TFB1M: variants seen among roughly 807,000 people sequenced by gnomAD.
TFB1M encodes transcription factor B1, mitochondrial, also known as dimethyladenosine transferase 1, mitochondrial.
Under a neutral mutation model 31.1 loss-of-function variants are expected in TFB1M, and 27 were observed. That is an observed-to-expected ratio of 0.87 (90% CI 0.64 to 1.20). TFB1M has a LOEUF of 1.20. Among genes scored for constraint, TFB1M ranks in the 50% most tolerant of loss-of-function variants. The pLI, the probability that TFB1M is intolerant of heterozygous loss-of-function variation, is 0.00. For synonymous variants in TFB1M, 166 were observed against 151.8 expected, an observed-to-expected ratio of 1.09 and a Z score of -0.69; for missense variants, 394 against 418.7, an observed-to-expected ratio of 0.94 and a Z score of 0.51.
chr6:155,310,911 A>G (rs1582889130), intron 2 of TFB1M: 2 of 412,212 alleles, frequency 4.9e-6, no homozygotes. Context: ...AGACTTAAAA[A>G]AAAAAATCAC....
chr6:155,260,196 A>G, intron 6 of TFB1M, 77 bp downstream of exon 6: 1 of 1,498,794 alleles, frequency 6.7e-7, no homozygotes, highest in Non-Finnish European at 9.3e-7. Context: ...GAATAGAGCA[A>G]ACAAGGTTCT....
intron 4 of TFB1M, among the ~76,000 whole-genome samples, chr6:155,296,362 C>T (rs1317162393): frequency 6.6e-6 from 1 of 151,550 alleles, no homozygotes; most frequent in Non-Finnish European, 1.5e-5. Flanking sequence ...CAGGTTCAAG[C>T]AATTCTCCTG....
At chr6:155,313,665 A>T (rs912274846) in intron 1 of TFB1M, among the ~76,000 whole-genome samples, 1 of 152,226 alleles carries the variant, frequency 6.6e-6, no homozygotes, top group East Asian at 1.9e-4. Flanking sequence ...AAGTAACTTT[A>T]AACAATTAGG....
At chr6:155,272,821 G>C (rs1784996123) in intron 5 of TFB1M, among the ~76,000 whole-genome samples, 1 of 152,094 alleles carries the variant, frequency 6.6e-6, no homozygotes, top group Non-Finnish European at 1.5e-5. Flanking sequence ...GTCTGTAATT[G>C]ATCACTGCCA....
At chr6:155,311,854 A>C (rs566623361) in intron 1 of TFB1M, among the ~76,000 whole-genome samples, 1 of 152,360 alleles carries the variant, frequency 6.6e-6, no homozygotes, top group Admixed American at 6.5e-5. Context: ...AATGGCAATA[A>C]GTTCTTAGAT....
At chr6:155,234,901 G>T in the TFB1M span, among the ~76,000 whole-genome samples, 5 of 152,194 alleles carry the variant, frequency 3.3e-5, no homozygotes, top group African/African-American at 9.7e-5. Flanking sequence ...GAGGCGTGAG[G>T]AACTAGATTG....
intron 2 of TFB1M, among the ~76,000 whole-genome samples, chr6:155,303,796 C>T (rs950824707): frequency 1.2e-4 from 18 of 152,176 alleles, no homozygotes; most frequent in African/African-American, 4.3e-4. Context: ...TTATGCCAGG[C>T]TCTTTACATC....
At chr6:155,295,351 G>T (rs1777119784) in intron 4 of TFB1M, among the ~76,000 whole-genome samples, 1 of 151,384 alleles carries the variant, frequency 6.6e-6, no homozygotes, top group South Asian at 2.1e-4. Flanking sequence ...GGGTGACAGA[G>T]TGAGACTCTG....
intron 5 of TFB1M, chr6:155,275,981 T>C: frequency 6.2e-7 from 1 of 1,614,174 alleles, no homozygotes; most frequent in South Asian, 1.1e-5. Flanking sequence ...GGTCCTGGCG[T>C]GTGTTCTGTC....
intron 6 of TFB1M, among the ~76,000 whole-genome samples, chr6:155,259,667 A>C (rs1211250665): frequency 6.6e-6 from 1 of 152,216 alleles, no homozygotes; most frequent in East Asian, 1.9e-4. Flanking sequence ...CTGCCTTCTT[A>C]AGCAGACTAT....
At chr6:155,250,496 C>G in the TFB1M span, 5 of 1,499,596 alleles carry the variant, frequency 3.3e-6, no homozygotes, top group Non-Finnish European at 9.0e-7. Flanking sequence ...GGAGATCAGT[C>G]CTTCACTCTG....
intron 5 of TFB1M, among the ~76,000 whole-genome samples, chr6:155,279,479 C>T (rs996778776): frequency 2.0e-5 from 3 of 152,170 alleles, no homozygotes; most frequent in Non-Finnish European, 1.5e-5. Flanking sequence ...GTGGATGATG[C>T]CATTAGTCAG....
At chr6:155,241,546 A>C in the TFB1M span, among the ~76,000 whole-genome samples, 2 of 152,186 alleles carry the variant, frequency 1.3e-5, no homozygotes, top group Non-Finnish European at 2.9e-5. Context: ...TGGGTCCATG[A>C]ATTAAGGCTT....
the TFB1M span, chr6:155,244,574 G>T: frequency 6.8e-7 from 1 of 1,478,570 alleles, no homozygotes; most frequent in South Asian, 1.3e-5. Context: ...ATTTCCTTGT[G>T]ATTTATTTGT....
chr6:155,250,966 GA>G, the TFB1M span: 1 of 1,614,172 alleles, frequency 6.2e-7, no homozygotes, highest in Non-Finnish European at 8.5e-7. Flanking sequence ...TTTCCTGGTT[GA>G]ATCCATTTCT....
At chr6:155,287,116 TA>T (rs574862535) in intron 4 of TFB1M, among the ~76,000 whole-genome samples, 21 of 148,442 alleles carry the variant, frequency 1.4e-4, no homozygotes, top group East Asian at 7.9e-4. Flanking sequence ...AATGAACAAT[TA>T]AAAAAAAAAC....
At chr6:155,296,019 T>G (rs1157124921) in intron 4 of TFB1M, among the ~76,000 whole-genome samples, 2 of 152,068 alleles carry the variant, frequency 1.3e-5, no homozygotes, top group Admixed American at 6.6e-5. Flanking sequence ...TATGTCATAA[T>G]AAAATTTTTT....
intron 5 of TFB1M, chr6:155,276,426 G>A (rs1397611754): frequency 4.0e-6 from 6 of 1,510,094 alleles, no homozygotes; most frequent in Admixed American, 2.0e-5. Flanking sequence ...TGCCAAATGG[G>A]ACTTTTAGAT....
intron 5 of TFB1M, among the ~76,000 whole-genome samples, chr6:155,278,617 C>G (rs1409550670): frequency 6.6e-6 from 1 of 152,194 alleles, no homozygotes; most frequent in African/African-American, 2.4e-5. Flanking sequence ...CAGGATCTTA[C>G]AGGACACTGA....
Sources: allele counts gnomAD v4.1 joint callset (sites outside exome capture counted in the v4.1 genomes callset), GRCh38; gene constraint gnomAD v4.1.1; transcripts MANE v1.5; gene names NCBI Gene and HGNC (gene_info 2026-07-23, HGNC 2026-07-21).